The following FBXL13 variants were observed in gnomAD, a reference collection of about 807,000 sequenced individuals.
FBXL13 encodes the protein F-box and leucine-rich repeat protein 13.
In FBXL13, 67 loss-of-function variants were observed where a neutral mutation model predicts 83.6. The observed-to-expected ratio is 0.80, with a 90% CI of 0.66 to 0.98. The LOEUF is 0.98. FBXL13 is among the 50% of genes least tolerant of loss of function. FBXL13 has a pLI of 0.00. For synonymous variants in FBXL13, 272 were observed against 299.5 expected, an observed-to-expected ratio of 0.91 and a Z score of 0.95; for missense variants, 822 against 866.5, an observed-to-expected ratio of 0.95 and a Z score of 0.64.
intron 8 of FBXL13, among the ~76,000 whole-genome samples, chr7:102,962,856 T>C (rs1409795653): frequency 1.3e-5 from 2 of 151,282 alleles, no homozygotes; most frequent in East Asian, 1.9e-4. Flanking sequence ...GGGGGAGGGA[T>C]AGCATCGGGA....
chr7:102,975,759 A>G, intron 6 of FBXL13: 1 of 591,542 alleles, frequency 1.7e-6, no homozygotes, highest in Non-Finnish European at 3.0e-6. Context: ...GCCAGCTTCA[A>G]AAACTTGACA....
chr7:103,030,470 C>A (rs1293435537), intron 2 of FBXL13, among the ~76,000 whole-genome samples: 1 of 152,188 alleles, frequency 6.6e-6, no homozygotes, highest in Admixed American at 6.5e-5. Context: ...GATATTACAG[C>A]AGGCAGAATA....
chr7:102,926,238 T>A, intron 10 of FBXL13, 36 bp downstream of exon 11: 1 of 1,577,914 alleles, frequency 6.3e-7, no homozygotes, highest in South Asian at 1.1e-5. Context: ...GGGAGCATAA[T>A]TTTTTTCAGT....
At chr7:102,829,079 C>T (rs561666925) in intron 18 of FBXL13, among the ~76,000 whole-genome samples, 6 of 152,172 alleles carry the variant, frequency 3.9e-5, no homozygotes, top group Non-Finnish European at 8.8e-5. Context: ...CGTGCTTCAG[C>T]CCAGTGGGTC....
intron 9 of FBXL13, among the ~76,000 whole-genome samples, chr7:102,931,172 A>C (rs893285366): frequency 6.6e-6 from 1 of 152,230 alleles, no homozygotes; most frequent in African/African-American, 2.4e-5. Flanking sequence ...AGCAAAGAGC[A>C]AATGCACAAC....
Position 102,942,251 on chromosome 7 carries a change from C to T in FBXL13, c.725-10318G>A, listed in dbSNP as rs772337526. The T allele has an allele frequency of 2.6e-6, 4 of 1,542,062 alleles. No individual in the cohort carries two copies. The South Asian group carries it at 3.6e-5, about 14-fold the overall frequency. ...ATCTTGGCAGTTAAGGCAAAATGAC[C>T]TAAAGAAGTTTTAAAATGAAAGGTC... is the stretch of plus-strand genomic sequence containing the variant. On this transcript the variant is annotated intron_variant, in intron 8 of 19. Coordinates refer to ENST00000313221, the Ensembl canonical transcript of FBXL13.
At chr7:102,921,679 C>CA (rs1817064303) in intron 10 of FBXL13, among the ~76,000 whole-genome samples, 1 of 150,522 alleles carries the variant, frequency 6.6e-6, no homozygotes, top group Non-Finnish European at 1.5e-5. Flanking sequence ...GATTCCATCT[C>CA]AAAAAAAATA....
At chr7:102,994,936 A>C (rs758026381) in intron 6 of FBXL13, among the ~76,000 whole-genome samples, 8 of 152,120 alleles carry the variant, frequency 5.3e-5, no homozygotes, top group Non-Finnish European at 1.0e-4. Context: ...CTCTATTTTA[A>C]ATTTCAGCCC....
chr7:102,915,568 G>A (rs1815685955), intron 10 of FBXL13, among the ~76,000 whole-genome samples: 1 of 152,120 alleles, frequency 6.6e-6, no homozygotes, highest in Admixed American at 6.5e-5. Context: ...TGAGAACTGA[G>A]CTAGGAGTGC....
intron 16 of FBXL13, among the ~76,000 whole-genome samples, chr7:102,860,482 G>T (rs954163557): frequency 5.3e-5 from 8 of 152,202 alleles, no homozygotes; most frequent in Non-Finnish European, 1.2e-4. Context: ...GAGTTGTTGG[G>T]AAGTAGTTCA....
chr7:102,878,865 A>G (rs956253329), intron 14 of FBXL13, among the ~76,000 whole-genome samples: 1 of 152,210 alleles, frequency 6.6e-6, no homozygotes, highest in Admixed American at 6.5e-5. Flanking sequence ...TTTTCACTAA[A>G]TACAAGGTCA....
chr7:103,019,115 C>T (rs1219327104), intron 6 of FBXL13, among the ~76,000 whole-genome samples: 3 of 152,156 alleles, frequency 2.0e-5, no homozygotes, highest in African/African-American at 7.2e-5. Flanking sequence ...GAAATTATAA[C>T]AAACTGTCTC....
chr7:103,031,150 ATG>A (rs1794474005), intron 2 of FBXL13: 1 of 152,220 alleles, frequency 6.6e-6, no homozygotes, highest in Non-Finnish European at 1.5e-5. Flanking sequence ...AGGGGTGGGC[ATG>A]TGTTGACTTC....
intron 6 of FBXL13, among the ~76,000 whole-genome samples, chr7:102,998,308 A>G (rs1385693659): frequency 6.6e-6 from 1 of 152,010 alleles, no homozygotes; most frequent in African/African-American, 2.4e-5. Flanking sequence ...CCCTTTTCAG[A>G]TGGGCAGTTT....
intron 17 of FBXL13, among the ~76,000 whole-genome samples, chr7:102,833,597 T>C (rs1324196220): frequency 7.5e-6 from 1 of 133,578 alleles, no homozygotes; most frequent in African/African-American, 2.6e-5. Context: ...CGGCTAATTC[T>C]TTTTTTTTTT....
At chr7:103,073,715 T>C (rs1305207195) in intron 1 of FBXL13, among the ~76,000 whole-genome samples, 1 of 152,156 alleles carries the variant, frequency 6.6e-6, no homozygotes, top group East Asian at 1.9e-4. Flanking sequence ...AAAGGGTACA[T>C]GTATTTAACA....
chr7:102,923,642 G>T (rs1817519958), intron 10 of FBXL13, among the ~76,000 whole-genome samples: 1 of 151,830 alleles, frequency 6.6e-6, no homozygotes, highest in Non-Finnish European at 1.5e-5. Flanking sequence ...CCAATATGGT[G>T]AAACCCCATC....
chr7:102,903,643 T>A (rs777766588), intron 11 of FBXL13, among the ~76,000 whole-genome samples: 66 of 152,006 alleles, frequency 4.3e-4, no homozygotes, highest in African/African-American at 1.1e-3. Context: ...GAATTTTTTT[T>A]AATTTTTTTT....
chr7:102,962,818 T>C (rs1585151388), intron 8 of FBXL13, among the ~76,000 whole-genome samples: 4 of 140,686 alleles, frequency 2.8e-5, no homozygotes, highest in East Asian at 4.2e-4. Context: ...AATATCACAC[T>C]CTGGGGACTG....
Sources: allele counts gnomAD v4.1 joint callset (sites outside exome capture counted in the v4.1 genomes callset), GRCh38; gene constraint gnomAD v4.1.1; transcripts MANE v1.5; gene names NCBI Gene and HGNC (gene_info 2026-07-23, HGNC 2026-07-21).